The following DRG2 variants were observed in gnomAD, a reference collection of about 807,000 sequenced individuals.
DRG2 encodes the protein developmentally-regulated GTP-binding protein 2.
Under a neutral mutation model 53.4 loss-of-function variants are expected in DRG2, and 36 were observed. The ratio of observed to expected loss-of-function variants is 0.67; its 90% CI spans 0.52 to 0.89. The LOEUF (loss-of-function observed/expected upper bound fraction) is 0.89, where lower values mean the gene tolerates loss of function less well. DRG2 is among the 40% of genes least tolerant of loss of function. The pLI is 0.00. For synonymous variants in DRG2, 167 were observed against 192.1 expected, an observed-to-expected ratio of 0.87 and a Z score of 1.08; for missense variants, 342 against 481.2, an observed-to-expected ratio of 0.71 and a Z score of 2.71.
At position 18,107,739 on chromosome 17, in the gene DRG2, G is replaced by T. The variant is rs879575828; in HGVS notation, c.*499G>T. On this transcript the variant is annotated 3_prime_UTR_variant, in exon 13 of 13. Coordinates refer to ENST00000225729, the MANE Select transcript of DRG2 (RefSeq NM_001388.5). Reference sequence around the variant, plus strand: ...GCCCCACACAGGGCTCTCCATGATGGGAACCAGTGGTTAGTGGCTTCAAAG... The same window carrying T: ...GCCCCACACAGGGCTCTCCATGATGTGAACCAGTGGTTAGTGGCTTCAAAG... 1 of 172,086 alleles carries T rather than the reference G, an allele frequency of 5.8e-6. No homozygotes were observed. Among genetic ancestry groups the T allele is most frequent in the African/African-American group, 2.4e-5 (1 of 42,260 alleles). 10.7% of individuals were successfully genotyped at this position (172,086 alleles called of 1,614,324 possible).
At chr17:18,104,448 C>T (rs1359906825) in intron 10 of DRG2, 175 bp from the exon 11 acceptor site, 3 of 1,341,670 alleles carry the variant, frequency 2.2e-6, no homozygotes, top group Non-Finnish European at 3.0e-6. Flanking sequence ...AGATCAAGGT[C>T]GTAGAAGATG....
chr17:18,100,769 C>A lies in DRG2; in HGVS notation c.631+110C>A. ...GGAGCAGGGTGGCAGCAGGTCACCC[C>A]CACTGCCCCTGCTGTCCATTCAAGT... On this transcript the variant is annotated intron_variant, in intron 7 of 12. Transcript: ENST00000225729. The surrounding 1 kb of genome is among the most constrained non-coding windows in gnomAD (Gnocchi z 4.1). 1 of 1,038,730 alleles carries A rather than the reference C, an allele frequency of 9.6e-7. No homozygotes were observed. The highest frequency in any genetic ancestry group is 1.4e-5 in the South Asian group (1 of 72,444). 64.3% of individuals were successfully genotyped at this position (1,038,730 alleles called of 1,614,324 possible). A position where few individuals can be genotyped will look rare whatever the true frequency, so the allele number is the denominator to read the frequency against.
intron 11 of DRG2, chr17:18,106,141 C>T: frequency 2.1e-6 from 1 of 468,168 alleles, no homozygotes; most frequent in Non-Finnish European, 4.0e-6. Context: ...AAGCAGAGGG[C>T]CACTAGCAGC....
rs764781709 is a variant in DRG2, at chr17:18,101,558, G to A, written c.697G>A (p.Val233Met). The change falls in exon 8 of 13, where the codon GTG becomes ATG. Residue 233 changes from valine to methionine, a missense_variant. Val to Met is a conservative substitution (Grantham distance 21). Coordinates refer to ENST00000225729, the MANE Select transcript of DRG2 (RefSeq NM_001388.5). The part of the protein sequence containing the change: ...CSPDEFIDVI[V>M]GNRVYMPCLY... ...CCCGGACGAGTTCATCGATGTGATCGTGGGCAACCGGGTGTACATGCCCTG... is the reference window on the plus strand; with the variant it reads ...CCCGGACGAGTTCATCGATGTGATCATGGGCAACCGGGTGTACATGCCCTG... 7 of 1,614,038 alleles carry A rather than the reference G, an allele frequency of 4.3e-6. No individual in the cohort carries two copies. Among genetic ancestry groups the A allele is most frequent in the East Asian group, 4.5e-5 (2 of 44,898 alleles).
At position 18,099,775 on chromosome 17, in the gene DRG2, T is replaced by A. The variant is rs145200829; in HGVS notation, c.467+52T>A. 3,712 of 1,547,064 alleles carry A rather than the reference T, an allele frequency of 2.4e-3. 43 individuals are homozygous for A. In the Middle Eastern group the frequency reaches 0.025, roughly 11 times the overall value. On this transcript the variant is annotated intron_variant, in intron 5 of 12. Coordinates refer to ENST00000225729, the MANE Select transcript of DRG2 (RefSeq NM_001388.5). The surrounding 1 kb of genome is among the most constrained non-coding windows in gnomAD (Gnocchi z 4.4). ...CTCACATGTCTGGGGAGGGCCAATG[T>A]GTCCCTGAGCTCGTACTAGGCGGCC...
intron 12 of DRG2, among the ~76,000 whole-genome samples, chr17:18,106,754 G>A (rs1159114147): frequency 2.9e-5 from 4 of 137,692 alleles, no homozygotes; most frequent in Admixed American, 1.6e-4. Flanking sequence ...GCAGTGGCAC[G>A]ATCATGGCCC....
intron 1 of DRG2, among the ~76,000 whole-genome samples, chr17:18,090,261 GTGA>G (rs2045292173): frequency 7.5e-6 from 1 of 132,776 alleles, no homozygotes; most frequent in South Asian, 2.4e-4. Flanking sequence ...GTGCAGTGGT[GTGA>G]TCATAGCTCA....
At position 18,099,442 on chromosome 17, in the gene DRG2, G is replaced by T. The variant is rs912569192; in HGVS notation, c.377-191G>T. On this transcript the variant is annotated intron_variant, in intron 4 of 12. Transcript: ENST00000225729. This position sits in a 1 kb window ranked among gnomAD's most constrained non-coding sequence, Gnocchi z 4.4. ...TTATCCTGTTACTCCTTTTATGATG[G>T]TGGTGTCGGATTTTCTTCTGAAATA... The T allele has an allele frequency of 1.5e-6, 1 of 666,342 alleles. No homozygotes were observed. The highest frequency in any genetic ancestry group is 2.7e-5 in the East Asian group (1 of 36,792). The allele number at this position is 666,342 out of a possible 1,614,324, so 41.3% of individuals were successfully genotyped here. A position where few individuals can be genotyped will look rare whatever the true frequency, so the allele number is the denominator to read the frequency against.
chr17:18,098,710 G>C lies in DRG2; in HGVS notation c.316-307G>C, dbSNP rs2045475024. On this transcript the variant is annotated intron_variant, in intron 3 of 12. Coordinates refer to ENST00000225729, the MANE Select transcript of DRG2 (RefSeq NM_001388.5). The surrounding 1 kb of genome is among the most constrained non-coding windows in gnomAD (Gnocchi z 4.1). ...CACTGCCTTGGGCTGTGTTTGCTTT[G>C]GGCAGCTGAGTGGTATGGCCTTAAG... 6.6e-6 allele frequency among the ~76,000 whole-genome samples: 1 copy of C among 152,192 alleles called. No homozygotes were observed.
chr17:18,101,436 G>A (rs532423129), intron 7 of DRG2, 57 bp from the exon 8 acceptor site: 96 of 1,565,738 alleles, frequency 6.1e-5, no homozygotes, highest in African/African-American at 9.5e-5. Context: ...GGGGCCCTCC[G>A]CTGATGGGGG....
chr17:18,090,187 C>T (rs1191214725), intron 1 of DRG2, among the ~76,000 whole-genome samples: 1 of 70,272 alleles, frequency 1.4e-5, no homozygotes, highest in African/African-American at 6.5e-5. Flanking sequence ...ACACTGAATC[C>T]TTTTTTTTTT....
intron 12 of DRG2, 145 bp downstream of exon 12, chr17:18,106,631 A>G (rs1046942506): frequency 2.9e-5 from 25 of 874,318 alleles, no homozygotes; most frequent in Non-Finnish European, 4.5e-5. Flanking sequence ...TCCTCCATAG[A>G]ATGTACATGC....
Position 18,090,968 on chromosome 17 carries a change from A to G in DRG2, c.65-2845A>G, listed in dbSNP as rs182460813. On this transcript the variant is annotated intron_variant, in intron 1 of 12. Transcript: ENST00000225729. The stretch of plus-strand genomic sequence containing the variant: ...ATTACAGGCATGAGCCACCATGCCC[A>G]GCTGCAGAACCCATTCTTGACCATT... 3.8e-3 allele frequency among the ~76,000 whole-genome samples: 583 copies of G among 152,280 alleles called. 4 individuals are homozygous for G. Among genetic ancestry groups the G allele is most frequent in the African/African-American group, 0.013 (549 of 41,564 alleles).
chr17:18,089,440 G>A (rs1051280442), intron 1 of DRG2, among the ~76,000 whole-genome samples: 1 of 152,130 alleles, frequency 6.6e-6, no homozygotes, highest in Non-Finnish European at 1.5e-5. Flanking sequence ...GTGCCTGGCC[G>A]ATCTTTCCTG....
intron 9 of DRG2, among the ~76,000 whole-genome samples, chr17:18,102,648 T>TCTTAA (rs1399938970): frequency 1.3e-4 from 20 of 149,610 alleles, no homozygotes; most frequent in African/African-American, 4.9e-4. Context: ...AAAAGAGGCT[T>TCTTAA]CTTAACTTAG....
At position 18,088,060 on chromosome 17, in the gene DRG2, G is replaced by T. The variant is rs1168459730; in HGVS notation, c.37G>T (p.Glu13Ter). ...AGAGAAGATCTCGGAGATCGAGAAG[G>T]AGATCGCTCGGACACAGAAGAACAA... ...ILEKISEIEK[E>*]IARTQKNKAT... Residue 13 changes from glutamate to a stop codon, truncating the protein, a stop_gained, in exon 1 of 13, where the codon GAG (glutamate) becomes TAG (stop). Transcript: ENST00000225729. LOFTEE classifies it high-confidence loss of function. 3 of 1,549,088 alleles carry T rather than the reference G, an allele frequency of 1.9e-6. No homozygotes were observed. Among genetic ancestry groups the T allele is most frequent in the South Asian group, 2.4e-5 (2 of 83,506 alleles).
Position 18,099,593 on chromosome 17 carries a change from T to G in DRG2, c.377-40T>G. 4 of 1,571,110 alleles carry G rather than the reference T, an allele frequency of 2.5e-6. No homozygotes were observed. The highest frequency in any genetic ancestry group is 3.5e-6 in the Non-Finnish European group (4 of 1,158,268). On this transcript the variant is annotated intron_variant, in intron 4 of 12. Coordinates refer to ENST00000225729, the MANE Select transcript of DRG2 (RefSeq NM_001388.5). This position sits in a 1 kb window ranked among gnomAD's most constrained non-coding sequence, Gnocchi z 4.4. ...CGCCGTGGGCTGGGTAGCAGTCACA[T>G]GGGTCCACATATGTAACTGCATCCC...
At chr17:18,105,040 G>GCACCAGCTTAA (rs1265207376) in intron 11 of DRG2, among the ~76,000 whole-genome samples, 3 of 152,196 alleles carry the variant, frequency 2.0e-5, no homozygotes, top group Non-Finnish European at 4.4e-5. Context: ...GTAGGGAGTG[G>GCACCAGCTTAA]CACCAGCTTA....
At chr17:18,092,981 T>C (rs2045360399) in intron 1 of DRG2, among the ~76,000 whole-genome samples, 1 of 152,234 alleles carries the variant, frequency 6.6e-6, no homozygotes, top group Non-Finnish European at 1.5e-5. Context: ...GGAATTTCAG[T>C]GTATATTAAC....
Sources: allele counts gnomAD v4.1 joint callset (sites outside exome capture counted in the v4.1 genomes callset), GRCh38; gene constraint gnomAD v4.1.1; non-coding constraint Gnocchi (gnomAD v3.1); transcripts MANE v1.5; gene names NCBI Gene and HGNC (gene_info 2026-07-23, HGNC 2026-07-21).